P3H2: variants seen among roughly 807,000 people sequenced by gnomAD.
P3H2 encodes prolyl 3-hydroxylase 2, also known as leprecan-like 1.
A neutral mutation model predicts 87.0 loss-of-function variants in P3H2; 80 were observed. The ratio of observed to expected loss-of-function variants is 0.92; its 90% CI spans 0.77 to 1.11. The LOEUF (loss-of-function observed/expected upper bound fraction) is 1.11, where lower values mean the gene tolerates loss of function less well. Ranked by LOEUF, P3H2 falls within the 50% of genes least tolerant of loss-of-function variation. The probability of loss-of-function intolerance (pLI) is 0.00; values close to 1 mark genes in which losing one functional copy is unlikely to be tolerated. For synonymous variants in P3H2, 367 were observed against 359.3 expected (o/e 1.02, Z -0.24); for missense variants, 1,001 against 923.9 (o/e 1.08, Z -1.08).
At chr3:190,097,599 T>C (rs1727626489) in intron 1 of P3H2, among the ~76,000 whole-genome samples, 1 of 151,260 alleles carries the variant, frequency 6.6e-6, no homozygotes, top group Admixed American at 6.6e-5. Flanking sequence ...TACAAAGTCT[T>C]ACTTGAAAAC....
At chr3:190,044,765 G>A (rs1036934982) in intron 1 of P3H2, among the ~76,000 whole-genome samples, 46 of 152,146 alleles carry the variant, frequency 3.0e-4, no homozygotes, top group South Asian at 2.1e-4. Flanking sequence ...TTTATTCCAC[G>A]AGTATGAGGT....
intron 1 of P3H2, among the ~76,000 whole-genome samples, chr3:190,001,169 T>C (rs182531201): frequency 2.0e-5 from 3 of 152,318 alleles, no homozygotes; most frequent in Admixed American, 1.3e-4. Context: ...AATATGTAAG[T>C]TCCCTATTTT....
chr3:190,066,903 C>T (rs1431705693), intron 1 of P3H2, among the ~76,000 whole-genome samples: 2 of 152,100 alleles, frequency 1.3e-5, no homozygotes, highest in African/African-American at 2.4e-5. Flanking sequence ...CTTTCCAGAC[C>T]CAGCTCAAAT....
At chr3:190,024,942 T>C (rs1220863510) in intron 1 of P3H2, among the ~76,000 whole-genome samples, 2 of 151,962 alleles carry the variant, frequency 1.3e-5, no homozygotes, top group African/African-American at 4.8e-5. Flanking sequence ...TTGTCCTTGA[T>C]ACCCAGAGGA....
intron 1 of P3H2, among the ~76,000 whole-genome samples, chr3:190,077,740 C>T (rs544002590): frequency 1.3e-5 from 2 of 152,226 alleles, no homozygotes; most frequent in East Asian, 3.9e-4. Flanking sequence ...ACATTATAAG[C>T]AGAGGAAATG....
intron 7 of P3H2, among the ~76,000 whole-genome samples, chr3:189,983,711 G>A (rs956883110): frequency 6.6e-6 from 1 of 152,052 alleles, no homozygotes; most frequent in Admixed American, 6.6e-5. Context: ...TTGAAGCCTC[G>A]TGAAAGACTT....
chr3:190,000,333 AT>A (rs1328155571), intron 1 of P3H2, among the ~76,000 whole-genome samples: 1 of 152,234 alleles, frequency 6.6e-6, no homozygotes, highest in Non-Finnish European at 1.5e-5. Context: ...CCATTTACTT[AT>A]TCAGCAAATA....
intron 1 of P3H2, among the ~76,000 whole-genome samples, chr3:190,079,799 T>C (rs542978386): frequency 2.0e-5 from 3 of 152,342 alleles, no homozygotes; most frequent in South Asian, 4.1e-4. Flanking sequence ...CAGATAGAAC[T>C]GACTTTAAAT....
chr3:190,095,068 T>C (rs964710890), intron 1 of P3H2, among the ~76,000 whole-genome samples: 7 of 152,126 alleles, frequency 4.6e-5, no homozygotes, highest in African/African-American at 1.7e-4. Context: ...ATGTGCTTTA[T>C]TCTTAGGTTT....
intron 14 of P3H2, among the ~76,000 whole-genome samples, chr3:189,959,232 T>TCA (rs1560335312): frequency 1.7e-5 from 1 of 57,306 alleles, no homozygotes; most frequent in African/African-American, 1.4e-4. Flanking sequence ...TGTCTCTTCT[T>TCA]TTTTTTTTCT....
At chr3:190,005,265 C>T (rs115310267) in intron 1 of P3H2, among the ~76,000 whole-genome samples, 3,353 of 152,300 alleles carry the variant, frequency 0.022, 134 homozygotes, top group African/African-American at 0.077. Flanking sequence ...ATGCTTGTCA[C>T]AAGCACTGGG....
intron 1 of P3H2, among the ~76,000 whole-genome samples, chr3:190,057,953 T>G (rs1312413545): frequency 1.3e-5 from 2 of 151,754 alleles, no homozygotes; most frequent in African/African-American, 4.8e-5. Flanking sequence ...AAGTACTCAT[T>G]AATGAGAAAA....
At chr3:190,110,721 T>C (rs1463688408) in intron 1 of P3H2, among the ~76,000 whole-genome samples, 3 of 152,234 alleles carry the variant, frequency 2.0e-5, no homozygotes, top group African/African-American at 7.2e-5. Flanking sequence ...GTCTTAATTA[T>C]GTGTCAATTT....
At chr3:189,964,356 C>T (rs542055878) in intron 13 of P3H2, among the ~76,000 whole-genome samples, 1 of 152,308 alleles carries the variant, frequency 6.6e-6, no homozygotes, top group African/African-American at 2.4e-5. Flanking sequence ...AGTAATCATT[C>T]AATACATGCT....
At chr3:189,968,781 G>A (rs908757445) in intron 13 of P3H2, among the ~76,000 whole-genome samples, 10 of 152,098 alleles carry the variant, frequency 6.6e-5, no homozygotes, top group East Asian at 1.9e-4. Context: ...TTTAATGATC[G>A]CCATTCTAAC....
intron 1 of P3H2, among the ~76,000 whole-genome samples, chr3:190,066,058 G>A (rs543365211): frequency 3.0e-4 from 46 of 151,408 alleles, no homozygotes; most frequent in African/African-American, 1.1e-3. Flanking sequence ...TTCCACTGTG[G>A]TCTGAGAGAG....
At chr3:189,968,161 T>C (rs1442548347) in intron 13 of P3H2, among the ~76,000 whole-genome samples, 1 of 152,316 alleles carries the variant, frequency 6.6e-6, no homozygotes, top group South Asian at 2.1e-4. Context: ...ATGTGCAGAA[T>C]GTGCAGGTTT....
At chr3:190,080,701 TGA>T (rs1158037492) in intron 1 of P3H2, among the ~76,000 whole-genome samples, 1 of 152,020 alleles carries the variant, frequency 6.6e-6, no homozygotes, top group Non-Finnish European at 1.5e-5. Flanking sequence ...CGCGCCCAGC[TGA>T]GATTTGAGCA....
chr3:190,055,349 T>C (rs1354162557), intron 1 of P3H2, among the ~76,000 whole-genome samples: 1 of 152,170 alleles, frequency 6.6e-6, no homozygotes, highest in Admixed American at 6.5e-5. Context: ...TATATTTAAT[T>C]TCTAAAACTT....
Sources: allele counts gnomAD v4.1 joint callset (sites outside exome capture counted in the v4.1 genomes callset), GRCh38; gene constraint gnomAD v4.1.1; transcripts MANE v1.5; gene names NCBI Gene and HGNC (gene_info 2026-07-23, HGNC 2026-07-21).